The following AGBL4 variants were observed in gnomAD, a reference collection of about 807,000 sequenced individuals.
AGBL4 encodes cytosolic carboxypeptidase 6.
A neutral mutation model predicts 66.4 loss-of-function variants in AGBL4; 58 were observed. The ratio of observed to expected loss-of-function variants is 0.87; its 90% CI spans 0.71 to 1.09. AGBL4 has a LOEUF of 1.09. Ranked by LOEUF, AGBL4 falls within the 50% of genes least tolerant of loss-of-function variation. The pLI is 0.00. For missense variants in AGBL4, 579 were observed against 631.0 expected, an observed-to-expected ratio of 0.92 and a Z score of 0.88; for synonymous variants, 234 against 222.9, an observed-to-expected ratio of 1.05 and a Z score of -0.44.
intron 5 of AGBL4, among the ~76,000 whole-genome samples, chr1:48,936,352 C>T (rs1468110795): frequency 6.6e-6 from 1 of 152,136 alleles, no homozygotes; most frequent in African/African-American, 2.4e-5. Flanking sequence ...TCCTTCCTCT[C>T]CTTAGGTAGG....
chr1:49,641,179 C>T (rs1379154589), intron 3 of AGBL4, among the ~76,000 whole-genome samples: 1 of 152,030 alleles, frequency 6.6e-6, no homozygotes, highest in African/African-American at 2.4e-5. Flanking sequence ...AAGAAAACAA[C>T]TTCAAAGCTG....
chr1:48,888,432 G>A (rs1189643971), intron 5 of AGBL4, among the ~76,000 whole-genome samples: 2 of 152,070 alleles, frequency 1.3e-5, no homozygotes, highest in Non-Finnish European at 1.5e-5. Flanking sequence ...CTGCGCCATA[G>A]CCTGCCCCAC....
chr1:48,604,237 G>A (rs1187742117), intron 9 of AGBL4, among the ~76,000 whole-genome samples: 2 of 152,176 alleles, frequency 1.3e-5, no homozygotes, highest in Admixed American at 6.5e-5. Flanking sequence ...AAGATTGACA[G>A]TTTGCAATAT....
intron 4 of AGBL4, among the ~76,000 whole-genome samples, chr1:49,074,164 C>G (rs950631961): frequency 6.6e-6 from 1 of 152,210 alleles, no homozygotes; most frequent in African/African-American, 2.4e-5. Context: ...GGGATCTTAA[C>G]TTGCTGGGCT....
intron 3 of AGBL4, among the ~76,000 whole-genome samples, chr1:49,347,675 T>A (rs1301717047): frequency 1.3e-5 from 2 of 150,202 alleles, no homozygotes; most frequent in African/African-American, 2.4e-5. Flanking sequence ...CCGGCCAACA[T>A]GGTGAAGCCC....
rs1185484612 is a variant in AGBL4 at position 49,184,665 on chromosome 1, A to G, written c.377+61105T>C. On this transcript the variant is annotated intron_variant, in intron 4 of 13. Transcript: ENST00000371839. ...ATTTAAGAATGACTTTTGACCTTAT[A>G]TGATAGATTTCTGCAAAGGCTTACA... Among the ~76,000 whole-genome samples the G allele has an allele frequency of 5.3e-5, 8 of 152,212 alleles. No individual in the cohort carries two copies. The South Asian group carries it at 1.2e-3, about 24-fold the overall frequency.
rs1402442610 is a variant in AGBL4 at position 50,023,826 on chromosome 1, G to A, written c.-30C>T. 6.5e-7 allele frequency: 1 copy of A among 1,546,614 alleles called. No individual in the cohort carries two copies. Among genetic ancestry groups the A allele is most frequent in the East Asian group, 2.5e-5 (1 of 40,048 alleles). ...GTTGTCCCTCAGTCTCCGAGCTCAC[G>A]CGAAGACCGCGGGGCAGTAGGGAGC... On this transcript the variant is annotated 5_prime_UTR_variant, in exon 1 of 14. Coordinates refer to ENST00000371839, the MANE Select transcript of AGBL4 (RefSeq NM_032785.4).
Position 49,734,649 on chromosome 1 carries a change from A to G in AGBL4, c.158-37212T>C, listed in dbSNP as rs1649720808. Among the ~76,000 whole-genome samples the G allele has an allele frequency of 3.3e-5, 5 of 152,236 alleles. No individual in the cohort carries two copies. In the South Asian group the frequency reaches 1.0e-3, roughly 32 times the overall value. On this transcript the variant is annotated intron_variant, in intron 2 of 13. Transcript: ENST00000371839. ...TTTGGAGAAATTAAGATCCAAATAA[A>G]CAGGACTGAAGAACCAGTATAGTCT...
intron 4 of AGBL4, among the ~76,000 whole-genome samples, chr1:49,179,901 A>AT (rs568689915): frequency 2.4e-3 from 355 of 148,708 alleles, no homozygotes; most frequent in Admixed American, 4.4e-3. Flanking sequence ...TATTTTTTTT[A>AT]TTTTTTTTTT....
Position 48,654,915 on chromosome 1 carries a change from G to A in AGBL4, c.725-1464C>T, listed in dbSNP as rs184846070. 1.2e-4 allele frequency among the ~76,000 whole-genome samples: 19 copies of A among 152,352 alleles called. No individual in the cohort carries two copies. The East Asian group carries it at 1.7e-3, about 14-fold the overall frequency. On this transcript the variant is annotated intron_variant, in intron 7 of 13. Transcript: ENST00000371839. ...GCTGCAGTTTGCCAGTAAACAGGCA[G>A]GGTAATGATGCCAGGCGCCCTTGTT...
rs917663726 is a variant in AGBL4, at chr1:49,645,396, CA to C, written c.282+51916del. Among the ~76,000 whole-genome samples, 48 of 105,884 alleles carry C rather than the reference CA, an allele frequency of 4.5e-4. No homozygotes were observed. The South Asian group carries it at 8.9e-3, about 20-fold the overall frequency. 69.5% of individuals were successfully genotyped at this position (105,884 alleles called of 152,430 possible). On this transcript the variant is annotated intron_variant, in intron 3 of 13. Transcript: ENST00000371839. ...TGACAACACTATAGCCTATAATTATCAAAAAAAATTATTATGACAATTTCAT... is the reference window on the plus strand; with the variant it reads ...TGACAACACTATAGCCTATAATTATCAAAAAAATTATTATGACAATTTCAT...
In AGBL4 at chr1:49,270,016, A is replaced by G. The variant is rs371186451; in HGVS notation, c.283-24152T>C. Among the ~76,000 whole-genome samples, 5 of 152,010 alleles carry G rather than the reference A, an allele frequency of 3.3e-5. No individual in the cohort carries two copies. The South Asian group carries it at 6.2e-4, about 19-fold the overall frequency. On this transcript the variant is annotated intron_variant, in intron 3 of 13. Coordinates refer to ENST00000371839, the MANE Select transcript of AGBL4 (RefSeq NM_032785.4). ...TGAATTTCTTAACAGCTAGGCTCCAACCTCTCTCTGTGCAATCTGGTCAAG... is the reference window on the plus strand; with the variant it reads ...TGAATTTCTTAACAGCTAGGCTCCAGCCTCTCTCTGTGCAATCTGGTCAAG...
At chr1:49,569,614 T>C (rs1451687288) in intron 3 of AGBL4, among the ~76,000 whole-genome samples, 3 of 152,186 alleles carry the variant, frequency 2.0e-5, no homozygotes, top group Non-Finnish European at 4.4e-5. Context: ...ATTTATTGGG[T>C]ACAAATGCAA....
intron 5 of AGBL4, among the ~76,000 whole-genome samples, chr1:48,869,545 T>G (rs61785989): frequency 6.6e-6 from 1 of 152,222 alleles, no homozygotes; most frequent in East Asian, 1.9e-4. Context: ...ACTCTGTGCC[T>G]AGGATTCTTT....
intron 5 of AGBL4, among the ~76,000 whole-genome samples, chr1:49,022,910 A>G (rs912410642): frequency 2.6e-5 from 4 of 152,198 alleles, no homozygotes; most frequent in African/African-American, 7.2e-5. Context: ...CCAAATTACA[A>G]ATGAGGCAAC....
intron 2 of AGBL4, among the ~76,000 whole-genome samples, chr1:49,813,365 T>C: frequency 6.6e-6 from 1 of 152,140 alleles, no homozygotes; most frequent in East Asian, 1.9e-4. Context: ...TCTCCTGCTA[T>C]AAACTCTGAA....
chr1:49,020,495 C>G lies in AGBL4; in HGVS notation c.594+25089G>C, dbSNP rs1056399274. Among the ~76,000 whole-genome samples the G allele has an allele frequency of 4.6e-5, 7 of 152,094 alleles. No individual in the cohort carries two copies. In the East Asian group the frequency reaches 1.3e-3, roughly 29 times the overall value. ...AACAGATGTGGGCAGGGCAAAGACT[C>G]TATGATATGGGAGGCTCCAGTATTG... is the stretch of plus-strand genomic sequence containing the variant. On this transcript the variant is annotated intron_variant, in intron 5 of 13. Coordinates refer to ENST00000371839, the MANE Select transcript of AGBL4 (RefSeq NM_032785.4).
chr1:49,404,448 C>G (rs909933005), intron 3 of AGBL4, among the ~76,000 whole-genome samples: 4 of 152,168 alleles, frequency 2.6e-5, no homozygotes, highest in African/African-American at 9.7e-5. Flanking sequence ...TTTAAGCCAT[C>G]CAGTCATCCA....
intron 1 of AGBL4, among the ~76,000 whole-genome samples, chr1:49,863,161 CA>C (rs1646615890): frequency 6.6e-6 from 1 of 152,044 alleles, no homozygotes; most frequent in African/African-American, 2.4e-5. Flanking sequence ...CCATTTTTGA[CA>C]AAGGTGCCAA....
Sources: allele counts gnomAD v4.1 joint callset (sites outside exome capture counted in the v4.1 genomes callset), GRCh38; gene constraint gnomAD v4.1.1; transcripts MANE v1.5; gene names NCBI Gene and HGNC (gene_info 2026-07-23, HGNC 2026-07-21).